The following THBS4 variants were observed in gnomAD, a reference collection of about 807,000 sequenced individuals.
THBS4 encodes the protein thrombospondin-4.
THBS4 carries 90 observed loss-of-function variants against 115.7 expected under a neutral mutation model. That is an observed-to-expected ratio of 0.78 (90% CI 0.66 to 0.93). THBS4 has a LOEUF of 0.93. Ranked by LOEUF, THBS4 falls within the 40% of genes least tolerant of loss-of-function variation. The pLI is 0.00. For missense variants in THBS4, 1,087 were observed against 1,232.7 expected, an observed-to-expected ratio of 0.88 and a Z score of 1.77; for synonymous variants, 460 against 479.3, an observed-to-expected ratio of 0.96 and a Z score of 0.53.
chr5:80,036,593 C>T (rs1022072399), intron 1 of THBS4, among the ~76,000 whole-genome samples: 1 of 152,168 alleles, frequency 6.6e-6, no homozygotes, highest in Non-Finnish European at 1.5e-5. Context: ...GATACTTGGA[C>T]AATCCTCAAA....
At chr5:80,021,436 A>G (rs1832372423) in intron 2 of THBS4, among the ~76,000 whole-genome samples, 1 of 152,146 alleles carries the variant, frequency 6.6e-6, no homozygotes, top group African/African-American at 2.4e-5. Context: ...GTGAAAAAAC[A>G]TTATCTATAC....
chr5:80,004,928 G>T (rs931805685), intron 2 of THBS4, among the ~76,000 whole-genome samples: 4 of 151,888 alleles, frequency 2.6e-5, no homozygotes, highest in African/African-American at 9.7e-5. Flanking sequence ...AGTAGAGAGG[G>T]GGTTTCGCCA....
At chr5:80,027,985 C>T (rs1023728019) in intron 2 of THBS4, among the ~76,000 whole-genome samples, 3 of 150,990 alleles carry the variant, frequency 2.0e-5, no homozygotes, top group Non-Finnish European at 2.9e-5. Flanking sequence ...AATCAAAATA[C>T]GTTCATATCT....
At chr5:80,045,567 G>A (rs954289702) in intron 2 of THBS4, among the ~76,000 whole-genome samples, 1 of 131,934 alleles carries the variant, frequency 7.6e-6, no homozygotes, top group African/African-American at 2.8e-5. Flanking sequence ...TTTTGCTCTT[G>A]TTGCCCAGGT....
At chr5:80,078,027 G>C in intron 16 of THBS4, 22 bp from the exon 17 acceptor site, 1 of 1,549,192 alleles carries the variant, frequency 6.5e-7, no homozygotes, top group Non-Finnish European at 8.8e-7. Flanking sequence ...TTGAGCTCCT[G>C]TCCTTTCTCC....
chr5:79,995,432 G>T (rs1165852770), intron 1 of THBS4, among the ~76,000 whole-genome samples: 1 of 152,098 alleles, frequency 6.6e-6, no homozygotes, highest in Admixed American at 6.5e-5. Context: ...TGGAGAAAAG[G>T]GTATAAACGA....
chr5:80,035,549 G>T lies in THBS4; in HGVS notation c.12G>T (p.Pro4=). 1.1e-5 allele frequency: 15 copies of T among 1,410,110 alleles called. No homozygotes were observed. Among genetic ancestry groups the T allele is most frequent in the Non-Finnish European group, 1.4e-5 (15 of 1,081,698 alleles). The allele number at this position is 1,410,110 out of a possible 1,614,324, so 87.3% of individuals were successfully genotyped here. The change falls in exon 1 of 22, where the codon CCG becomes CCT. Residue 4 remains proline, a synonymous_variant. Coordinates refer to ENST00000350881, the MANE Select transcript of THBS4 (RefSeq NM_003248.6). This position sits in a 1 kb window ranked among gnomAD's most constrained non-coding sequence, Gnocchi z 4.6. Reference sequence around the variant, plus strand: ...CAGGAAGAGCCAACATGCTGGCCCCGCGCGGAGCCGCCGTCCTCCTGCTGC... The same window carrying T: ...CAGGAAGAGCCAACATGCTGGCCCCTCGCGGAGCCGCCGTCCTCCTGCTGC... MLA[P]RGAAVLLLHL...
At position 80,050,706 on chromosome 5, in the gene THBS4, C is replaced by T. The variant is rs570768562; in HGVS notation, c.293-5079C>T. On this transcript the variant is annotated intron_variant, in intron 2 of 21. Coordinates refer to ENST00000350881, the MANE Select transcript of THBS4 (RefSeq NM_003248.6). ...GGTCCCCAGGCAAGAAGAGGGTCTTCGGGAAAGGGCTGTTATCAATTTTGC... is the reference window on the plus strand; with the variant it reads ...GGTCCCCAGGCAAGAAGAGGGTCTTTGGGAAAGGGCTGTTATCAATTTTGC... 1.3e-5 allele frequency among the ~76,000 whole-genome samples: 2 copies of T among 152,276 alleles called. 1 individual carries two copies. The highest frequency in any genetic ancestry group is 4.8e-5 in the African/African-American group (2 of 41,548).
At chr5:80,017,524 T>C (rs1832275846) in intron 2 of THBS4, among the ~76,000 whole-genome samples, 1 of 152,202 alleles carries the variant, frequency 6.6e-6, no homozygotes, top group African/African-American at 2.4e-5. Context: ...TACAAGGGGA[T>C]TATAAGACTA....
chr5:80,031,828 A>C (rs147811423), upstream of THBS4, among the ~76,000 whole-genome samples: 1,489 of 152,364 alleles, frequency 9.8e-3, 15 homozygotes, highest in Middle Eastern at 0.017. Flanking sequence ...AGATGTGTAC[A>C]CAGAAGAGCA....
At chr5:80,016,203 T>C (rs1832247057) in intron 2 of THBS4, among the ~76,000 whole-genome samples, 1 of 152,202 alleles carries the variant, frequency 6.6e-6, no homozygotes. Flanking sequence ...TTGATGTCTT[T>C]AATCAAGACA....
intron 2 of THBS4, among the ~76,000 whole-genome samples, chr5:80,008,586 A>G (rs142501316): frequency 6.6e-6 from 1 of 152,232 alleles, no homozygotes; most frequent in African/African-American, 2.4e-5. Context: ...TCCAAAGTAC[A>G]TATGATAGCC....
At chr5:80,068,404 A>G in intron 10 of THBS4, 1 of 375,422 alleles carries the variant, frequency 2.7e-6, no homozygotes, top group Non-Finnish European at 4.9e-6. Flanking sequence ...CCCAGCTCCC[A>G]AGCACCTTCT....
intron 2 of THBS4, among the ~76,000 whole-genome samples, chr5:80,024,637 G>C (rs541051169): frequency 6.6e-6 from 1 of 152,166 alleles, no homozygotes; most frequent in African/African-American, 2.4e-5. Context: ...TTCCTTCACG[G>C]GACAGAGCTA....
chr5:80,024,987 C>T, intron 2 of THBS4, among the ~76,000 whole-genome samples: 1 of 152,104 alleles, frequency 6.6e-6, no homozygotes, highest in East Asian at 1.9e-4. Context: ...CTTCAGTTTT[C>T]TAATCTGTGC....
At chr5:80,014,734 C>G (rs1192241716) in intron 2 of THBS4, among the ~76,000 whole-genome samples, 2 of 152,156 alleles carry the variant, frequency 1.3e-5, no homozygotes, top group East Asian at 3.8e-4. Context: ...AGCCAAGGAA[C>G]TATGGAGTAT....
intron 2 of THBS4, among the ~76,000 whole-genome samples, chr5:79,999,582 G>T (rs999874125): frequency 7.2e-5 from 11 of 152,116 alleles, no homozygotes; most frequent in African/African-American, 2.7e-4. Flanking sequence ...AGATTAATAG[G>T]CTGCCATCGA....
At chr5:80,028,826 T>C (rs1238534551) in intron 2 of THBS4, among the ~76,000 whole-genome samples, 2 of 152,182 alleles carry the variant, frequency 1.3e-5, no homozygotes, top group Non-Finnish European at 2.9e-5. Flanking sequence ...CTCCTTCTAC[T>C]AGGCTCTTAA....
chr5:80,008,508 A>G (rs1038795739), intron 2 of THBS4, among the ~76,000 whole-genome samples: 3 of 152,006 alleles, frequency 2.0e-5, no homozygotes, highest in Admixed American at 6.6e-5. Context: ...CCACATTTTT[A>G]TTTGTTAAGT....
Sources: allele counts gnomAD v4.1 joint callset (sites outside exome capture counted in the v4.1 genomes callset), GRCh38; gene constraint gnomAD v4.1.1; non-coding constraint Gnocchi (gnomAD v3.1); transcripts MANE v1.5; gene names NCBI Gene and HGNC (gene_info 2026-07-23, HGNC 2026-07-21).